KCNQ1: variants seen among roughly 807,000 people sequenced by gnomAD.
The protein encoded by KCNQ1 is potassium voltage-gated channel subfamily KQT member 1.
A neutral mutation model predicts 72.4 loss-of-function variants in KCNQ1; 49 were observed. The observed-to-expected ratio is 0.68, with a 90% CI of 0.54 to 0.86. KCNQ1 has a LOEUF of 0.86. KCNQ1 is among the 40% of genes least tolerant of loss of function. KCNQ1 has a pLI of 0.00. For missense variants in KCNQ1, 790 were observed against 945.1 expected (o/e 0.84, Z 2.15); for synonymous variants, 450 against 412.6 (o/e 1.09, Z -1.10).
intron 10 of KCNQ1, chr11:2,637,021 C>T (rs954784797): frequency 3.3e-5 from 5 of 152,036 alleles, no homozygotes; most frequent in Non-Finnish European, 5.9e-5. Context: ...TCTGTGGGAT[C>T]GGTGGTGATA....
At position 2,674,447 on chromosome 11, in the gene KCNQ1, C is replaced by A. The variant is rs1009221076; in HGVS notation, c.1514+12366C>A. 3.0e-5 allele frequency: 12 copies of A among 398,522 alleles called. No homozygotes were observed. Among genetic ancestry groups the A allele is most frequent in the Non-Finnish European group, 4.9e-5 (11 of 226,094 alleles). 24.7% of individuals were successfully genotyped at this position (398,522 alleles called of 1,614,324 possible). A position where few individuals can be genotyped will look rare whatever the true frequency, so the allele number is the denominator to read the frequency against. On this transcript the variant is annotated intron_variant, in intron 11 of 15. Transcript: ENST00000155840. This position sits in a 1 kb window ranked among gnomAD's most constrained non-coding sequence, Gnocchi z 5.9. ...CACGACCACAGAGGCTGGGGGGAGG[C>A]ACGTGGGGAGGAGGGCTGCCTGTCG...
chr11:2,828,277 C>T lies in KCNQ1; in HGVS notation c.1795-19490C>T, dbSNP rs542522189. Among the ~76,000 whole-genome samples the T allele has an allele frequency of 1.3e-5, 2 of 152,200 alleles. No individual in the cohort carries two copies. The highest frequency in any genetic ancestry group is 3.9e-4 in the East Asian group (2 of 5,194). On this transcript the variant is annotated intron_variant, in intron 15 of 15. Transcript: ENST00000155840. This position sits in a 1 kb window ranked among gnomAD's most constrained non-coding sequence, Gnocchi z 5.3. ...CTGCTGGAAGGTTTGGTGACCGGAG[C>T]AGCAGGTGCCAGAGCTGAAAGCACT...
Position 2,565,930 on chromosome 11 carries a change from G to A in KCNQ1, c.478-4698G>A, listed in dbSNP as rs574624479. Reference sequence around the variant, plus strand: ...CCTGGTGGCTCTTGTGCCTGCACCCGCCTTGGGGCCATCTGACACCCACAC... The same window carrying A: ...CCTGGTGGCTCTTGTGCCTGCACCCACCTTGGGGCCATCTGACACCCACAC... On this transcript the variant is annotated intron_variant, in intron 2 of 15. Transcript: ENST00000155840. The surrounding 1 kb of genome is among the most constrained non-coding windows in gnomAD (Gnocchi z 5.6). Among the ~76,000 whole-genome samples the A allele has an allele frequency of 7.2e-5, 11 of 152,082 alleles. No individual in the cohort carries two copies. The highest frequency in any genetic ancestry group is 3.4e-3 in the Middle Eastern group (1 of 292).
intron 11 of KCNQ1, among the ~76,000 whole-genome samples, chr11:2,754,320 C>T (rs1846267732): frequency 6.6e-6 from 1 of 152,236 alleles, no homozygotes; most frequent in Admixed American, 6.5e-5. Flanking sequence ...TGGGCTTTCT[C>T]ACCACCCCAG....
intron 11 of KCNQ1, chr11:2,665,595 C>A (rs1045903779): frequency 1.0e-5 from 4 of 396,634 alleles, no homozygotes; most frequent in Non-Finnish European, 1.8e-5. Context: ...CTCAGTAAAC[C>A]CCCCAGGACA....
chr11:2,752,970 G>A lies in KCNQ1; in HGVS notation c.1515-15874G>A, dbSNP rs777344938. On this transcript the variant is annotated intron_variant, in intron 11 of 15. Coordinates refer to ENST00000155840, the MANE Select transcript of KCNQ1 (RefSeq NM_000218.3). This position sits in a 1 kb window ranked among gnomAD's most constrained non-coding sequence, Gnocchi z 5.2. Reference sequence around the variant, plus strand: ...TGGTCTGGGCTTGAGGACCAGCACGGGATCGTTCTCCTCTGTGGGTCGCTG... The same window carrying A: ...TGGTCTGGGCTTGAGGACCAGCACGAGATCGTTCTCCTCTGTGGGTCGCTG... Among the ~76,000 whole-genome samples the A allele has an allele frequency of 3.9e-5, 6 of 152,108 alleles. No individual in the cohort carries two copies. Among genetic ancestry groups the A allele is most frequent in the Non-Finnish European group, 8.8e-5 (6 of 68,020 alleles).
At chr11:2,465,225 T>A (rs144598132) in intron 1 of KCNQ1, among the ~76,000 whole-genome samples, 1,752 of 152,254 alleles carry the variant, frequency 0.012, 21 homozygotes, top group South Asian at 0.029. Context: ...AGTGGCACAG[T>A]CATCACTCAC....
intron 1 of KCNQ1, among the ~76,000 whole-genome samples, chr11:2,500,878 G>T: frequency 8.9e-6 from 1 of 112,464 alleles, no homozygotes. Flanking sequence ...CTGTTGGGGG[G>T]TGGGGGCAAG....
chr11:2,790,054 C>T (rs531974893), intron 15 of KCNQ1, among the ~76,000 whole-genome samples: 22 of 152,292 alleles, frequency 1.4e-4, no homozygotes, highest in African/African-American at 5.1e-4. Context: ...TGGAGGGGAT[C>T]ATATCCCTTT....
At chr11:2,749,133 C>CA (rs1056097554) in intron 11 of KCNQ1, among the ~76,000 whole-genome samples, 4 of 152,288 alleles carry the variant, frequency 2.6e-5, no homozygotes, top group African/African-American at 9.6e-5. Context: ...CAGGCCAGGC[C>CA]AAACATCAGA....
At chr11:2,594,717 T>G (rs546730876) in intron 10 of KCNQ1, among the ~76,000 whole-genome samples, 8 of 152,242 alleles carry the variant, frequency 5.3e-5, no homozygotes, top group African/African-American at 2.4e-5. Context: ...CTATAAATCC[T>G]TGTATGGGGG....
At chr11:2,680,907 A>G in intron 11 of KCNQ1, 1 of 398,564 alleles carries the variant, frequency 2.5e-6, no homozygotes, top group Non-Finnish European at 4.4e-6. Flanking sequence ...GCATTTTGGT[A>G]TGACCCAATT....
intron 11 of KCNQ1, among the ~76,000 whole-genome samples, chr11:2,727,695 G>C (rs768015335): frequency 5.9e-5 from 9 of 152,160 alleles, no homozygotes; most frequent in Non-Finnish European, 1.0e-4. Context: ...AACCTGCAGA[G>C]ATCAGCCTCC....
intron 10 of KCNQ1, chr11:2,618,667 C>T (rs937162793): frequency 3.3e-5 from 13 of 398,344 alleles, no homozygotes; most frequent in Middle Eastern, 6.2e-4. Flanking sequence ...TTCAGAATTT[C>T]GTTGGCTACT....
At position 2,772,855 on chromosome 11, in the gene KCNQ1, C is replaced by T. The variant is rs977805415; in HGVS notation, c.1591-3105C>T. On this transcript the variant is annotated intron_variant, in intron 12 of 15. Transcript: ENST00000155840. This position sits in a 1 kb window ranked among gnomAD's most constrained non-coding sequence, Gnocchi z 6.6. The stretch of plus-strand genomic sequence containing the variant: ...CTTGGTTTTCCCCTGCCCTGCCTCC[C>T]TTCACCTGCCCACACCGCACCCAGA... 2.0e-5 allele frequency among the ~76,000 whole-genome samples: 3 copies of T among 152,216 alleles called. No homozygotes were observed. The highest frequency in any genetic ancestry group is 2.9e-5 in the Non-Finnish European group (2 of 68,038).
intron 10 of KCNQ1, chr11:2,639,259 G>C (rs1253931703): frequency 6.6e-6 from 1 of 152,204 alleles, no homozygotes; most frequent in Non-Finnish European, 1.5e-5. Context: ...GCTGGCGAGT[G>C]GCTGCGTTCC....
At chr11:2,502,097 T>TG (rs1446227265) in intron 1 of KCNQ1, among the ~76,000 whole-genome samples, 2 of 152,170 alleles carry the variant, frequency 1.3e-5, no homozygotes, top group Non-Finnish European at 2.9e-5. Context: ...ACATACTGAA[T>TG]GGGGAAAAAC....
At chr11:2,520,608 GC>G (rs1389309492) in intron 1 of KCNQ1, among the ~76,000 whole-genome samples, 11 of 152,266 alleles carry the variant, frequency 7.2e-5, no homozygotes, top group Admixed American at 3.9e-4. Context: ...TGAGACCTCT[GC>G]CCCTGGGCGT....
rs539303997 is a variant in KCNQ1, at chr11:2,713,818, G to T, written c.1514+51737G>T. ...AGTTCATGGATTCAGAGGATATACC[G>T]TATTCTGGCCGTCTTACATTACTGC... On this transcript the variant is annotated intron_variant, in intron 11 of 15. Transcript: ENST00000155840. The surrounding 1 kb of genome is among the most constrained non-coding windows in gnomAD (Gnocchi z 5.6). 1.5e-4 allele frequency among the ~76,000 whole-genome samples: 23 copies of T among 152,234 alleles called. No individual in the cohort carries two copies. The highest frequency in any genetic ancestry group is 2.8e-4 in the Non-Finnish European group (19 of 68,030).
Sources: allele counts gnomAD v4.1 joint callset (sites outside exome capture counted in the v4.1 genomes callset), GRCh38; gene constraint gnomAD v4.1.1; non-coding constraint Gnocchi (gnomAD v3.1); transcripts MANE v1.5; gene names NCBI Gene and HGNC (gene_info 2026-07-23, HGNC 2026-07-21).